CYP39A1: variants seen among roughly 807,000 people sequenced by gnomAD.
CYP39A1 encodes 24-hydroxycholesterol 7-alpha-hydroxylase.
CYP39A1 carries 49 observed loss-of-function variants against 58.1 expected under a neutral mutation model. The observed-to-expected ratio is 0.84, with a 90% CI of 0.67 to 1.07. The LOEUF (loss-of-function observed/expected upper bound fraction) is 1.07. Among genes scored for constraint, CYP39A1 ranks in the 50% least tolerant of loss-of-function variants. The pLI is 0.00. For missense variants in CYP39A1, 531 were observed against 539.4 expected, an observed-to-expected ratio of 0.98 and a Z score of 0.16; for synonymous variants, 209 against 187.6, an observed-to-expected ratio of 1.11 and a Z score of -0.93.
chr6:46,602,997 T>C (rs1277007223), intron 7 of CYP39A1, among the ~76,000 whole-genome samples: 2 of 152,098 alleles, frequency 1.3e-5, no homozygotes, highest in African/African-American at 2.4e-5. Context: ...GATTGAATTT[T>C]TAACTGGCCA....
intron 10 of CYP39A1, among the ~76,000 whole-genome samples, chr6:46,558,022 G>C (rs1384207919): frequency 6.7e-6 from 1 of 149,488 alleles, no homozygotes; most frequent in Non-Finnish European, 1.5e-5. Flanking sequence ...AATAAACCCA[G>C]GGATTAAAAA....
At chr6:46,592,702 T>TC (rs1772911927) in intron 8 of CYP39A1, among the ~76,000 whole-genome samples, 1 of 152,184 alleles carries the variant, frequency 6.6e-6, no homozygotes, top group Non-Finnish European at 1.5e-5. Flanking sequence ...ATGCCTGTAA[T>TC]CCCAGCACTT....
chr6:46,595,936 T>C (rs1388348143), intron 8 of CYP39A1, 51 bp downstream of exon 8: 1 of 1,563,504 alleles, frequency 6.4e-7, no homozygotes, highest in Non-Finnish European at 8.7e-7. Flanking sequence ...GGGCAAAATG[T>C]GTACTTTTTT....
chr6:46,613,246 G>A (rs960892141), intron 7 of CYP39A1, among the ~76,000 whole-genome samples: 5 of 152,132 alleles, frequency 3.3e-5, no homozygotes, highest in South Asian at 2.1e-4. Flanking sequence ...GGTAACAGAC[G>A]CTGGCCATCC....
chr6:46,579,239 C>T (rs559050570), intron 10 of CYP39A1, among the ~76,000 whole-genome samples: 1 of 152,106 alleles, frequency 6.6e-6, no homozygotes, highest in South Asian at 2.1e-4. Context: ...ATCTCATAAA[C>T]TAAACTAAAA....
chr6:46,567,127 C>A lies in CYP39A1; in HGVS notation c.1251-13273G>T, dbSNP rs562871480. On this transcript the variant is annotated intron_variant, in intron 10 of 11. Transcript: ENST00000275016. ...TCTTGTAACTGAAAGCTTGTACTCT[C>A]TGCCTGATATCTCCAATCCCCCAAC... is the stretch of plus-strand genomic sequence containing the variant. 1.6e-4 allele frequency among the ~76,000 whole-genome samples: 25 copies of A among 152,226 alleles called. No homozygotes were observed. The South Asian group carries it at 5.0e-3, about 30-fold the overall frequency.
At chr6:46,585,348 T>C (rs943787741) in intron 10 of CYP39A1, among the ~76,000 whole-genome samples, 7 of 151,894 alleles carry the variant, frequency 4.6e-5, no homozygotes, top group Non-Finnish European at 1.0e-4. Context: ...GATAGATAGA[T>C]AGATAGATAG....
At chr6:46,601,956 C>T (rs1024267777) in intron 7 of CYP39A1, among the ~76,000 whole-genome samples, 89 of 152,254 alleles carry the variant, frequency 5.8e-4, no homozygotes, top group African/African-American at 2.1e-3. Flanking sequence ...TAACATCTCC[C>T]TAATCACTAT....
chr6:46,627,628 T>C (rs1167634406), intron 6 of CYP39A1, among the ~76,000 whole-genome samples: 3 of 151,876 alleles, frequency 2.0e-5, no homozygotes, highest in African/African-American at 2.4e-5. Context: ...CCGTGTTAGC[T>C]AGGATGATCT....
chr6:46,632,276 A>G (rs899832731), intron 5 of CYP39A1, among the ~76,000 whole-genome samples: 1 of 152,212 alleles, frequency 6.6e-6, no homozygotes, highest in Non-Finnish European at 1.5e-5. Context: ...CTTGTCTACA[A>G]AGATCAATAA....
intron 5 of CYP39A1, among the ~76,000 whole-genome samples, chr6:46,632,422 T>C (rs1405319560): frequency 6.6e-6 from 1 of 152,032 alleles, no homozygotes; most frequent in Non-Finnish European, 1.5e-5. Flanking sequence ...CATTCAAGCA[T>C]GAGAACCCTC....
rs529675349 is a variant in CYP39A1 at position 46,586,197 on chromosome 6, C to T, written c.1250+880G>A. ...GAAGGATGGAATGGATACTGCGGAGCAATTAATAACTGCAAATATGGACTG... is the reference window on the plus strand; with the variant it reads ...GAAGGATGGAATGGATACTGCGGAGTAATTAATAACTGCAAATATGGACTG... On this transcript the variant is annotated intron_variant, in intron 10 of 11. Coordinates refer to ENST00000275016, the MANE Select transcript of CYP39A1 (RefSeq NM_016593.5). 4.4e-4 allele frequency: 435 copies of T among 981,346 alleles called. 11 individuals are homozygous for T. The South Asian group carries it at 0.018, about 42-fold the overall frequency. The allele number at this position is 981,346 out of a possible 1,614,324, so 60.8% of individuals were successfully genotyped here. A position where few individuals can be genotyped will look rare whatever the true frequency, so the allele number is the denominator to read the frequency against.
chr6:46,581,459 A>T (rs1361368879), intron 10 of CYP39A1, among the ~76,000 whole-genome samples: 1 of 152,100 alleles, frequency 6.6e-6, no homozygotes, highest in African/African-American at 2.4e-5. Context: ...TATGGTACAT[A>T]GTAACACCAT....
chr6:46,652,670 G>C lies in CYP39A1; in HGVS notation c.-88C>G. 1 of 1,281,440 alleles carries C rather than the reference G, an allele frequency of 7.8e-7. No individual in the cohort carries two copies. The highest frequency in any genetic ancestry group is 1.1e-6 in the Non-Finnish European group (1 of 946,678). The allele number at this position is 1,281,440 out of a possible 1,614,324, so 79.4% of individuals were successfully genotyped here. A position where few individuals can be genotyped will look rare whatever the true frequency, so the allele number is the denominator to read the frequency against. On this transcript the variant is annotated 5_prime_UTR_variant, in exon 1 of 12. Coordinates refer to ENST00000275016, the MANE Select transcript of CYP39A1 (RefSeq NM_016593.5). ...TTTTCTGTGGGCTACGGAACCTGTC[G>C]GGACTCCCAACCTTTCTGCTGCAAC... is the stretch of plus-strand genomic sequence containing the variant.
chr6:46,579,378 T>C (rs1772004840), intron 10 of CYP39A1, among the ~76,000 whole-genome samples: 3 of 152,064 alleles, frequency 2.0e-5, no homozygotes, highest in African/African-American at 7.2e-5. Flanking sequence ...GAGAGCCATC[T>C]ACAATAAACT....
chr6:46,592,014 A>G (rs1049246440), intron 8 of CYP39A1, among the ~76,000 whole-genome samples: 4 of 152,168 alleles, frequency 2.6e-5, no homozygotes, highest in African/African-American at 9.6e-5. Context: ...TCTTTTCTGG[A>G]TATTCTTGAA....
chr6:46,554,022 C>T (rs1770544701), intron 10 of CYP39A1, among the ~76,000 whole-genome samples, 168 bp from the exon 11 acceptor site: 1 of 151,980 alleles, frequency 6.6e-6, no homozygotes, highest in African/African-American at 2.4e-5. Flanking sequence ...TTCTTAATAC[C>T]ACCTACTCCA....
chr6:46,606,249 G>T (rs1433070899), intron 7 of CYP39A1, among the ~76,000 whole-genome samples: 1 of 152,032 alleles, frequency 6.6e-6, no homozygotes, highest in Admixed American at 6.6e-5. Flanking sequence ...TAGAGATGTA[G>T]CCTACATTTG....
chr6:46,579,212 A>G (rs535965049), intron 10 of CYP39A1, among the ~76,000 whole-genome samples: 2 of 152,120 alleles, frequency 1.3e-5, no homozygotes, highest in South Asian at 2.1e-4. Flanking sequence ...ATATAAACAA[A>G]TCAATCAATG....
Sources: gnomAD v4.1 joint callset for allele counts (sites outside exome capture counted in the v4.1 genomes callset) on GRCh38, gnomAD v4.1.1 for gene constraint, MANE v1.5 for transcripts, NCBI Gene and HGNC (gene_info 2026-07-23, HGNC 2026-07-21) for gene names.